The following DLG1 variants were observed in gnomAD, a reference collection of about 807,000 sequenced individuals.
DLG1 encodes the protein disks large homolog 1.
In DLG1, 42 loss-of-function variants were observed where a neutral mutation model predicts 123.4. The observed-to-expected ratio is 0.34, with a 90% CI of 0.27 to 0.44. DLG1 has a LOEUF of 0.44. Ranked by LOEUF, DLG1 falls within the 20% of genes least tolerant of loss-of-function variation. DLG1 has a pLI of 1.00. For synonymous variants in DLG1, 317 were observed against 356.2 expected, an observed-to-expected ratio of 0.89 and a Z score of 1.24; for missense variants, 942 against 1,082.6, an observed-to-expected ratio of 0.87 and a Z score of 1.82.
chr3:197,245,902 G>GA (rs1333191303), intron 4 of DLG1, among the ~76,000 whole-genome samples: 5 of 136,664 alleles, frequency 3.7e-5, no homozygotes, highest in Admixed American at 7.1e-5. Flanking sequence ...TTTTTTTTTG[G>GA]GGGGGGGGGA....
chr3:197,110,323 T>G (rs1186261945), intron 13 of DLG1, among the ~76,000 whole-genome samples: 1 of 152,228 alleles, frequency 6.6e-6, no homozygotes, highest in East Asian at 1.9e-4. Context: ...ACTTTCCAAC[T>G]CCAGAATTTC....
chr3:197,291,292 T>G (rs1774737800), intron 3 of DLG1, among the ~76,000 whole-genome samples: 1 of 119,126 alleles, frequency 8.4e-6, no homozygotes, highest in African/African-American at 3.3e-5. Context: ...AAATCTAGCC[T>G]ACAAAGTTAC....
chr3:197,147,432 GCACACACACACA>G lies in DLG1; in HGVS notation c.537+2299_537+2310del, dbSNP rs67643945. 5.2e-3 allele frequency among the ~76,000 whole-genome samples: 758 copies of G among 147,098 alleles called. 6 individuals carry two copies. The highest frequency in any genetic ancestry group is 0.016 in the African/African-American group (654 of 39,700). On this transcript the variant is annotated intron_variant, in intron 6 of 24. Coordinates refer to ENST00000667157, the MANE Select transcript of DLG1 (RefSeq NM_001366207.1). ...TGAGTGGATAAAAAATATATGGTGT[GCACACACACACA>G]CACACACACACACACACACACACAC...
At chr3:197,169,060 A>G (rs977896111) in intron 5 of DLG1, among the ~76,000 whole-genome samples, 2 of 152,194 alleles carry the variant, frequency 1.3e-5, no homozygotes, top group African/African-American at 4.8e-5. Context: ...TTATATTTTA[A>G]ATCTAATTTA....
chr3:197,216,652 G>C (rs911621549), intron 4 of DLG1, among the ~76,000 whole-genome samples: 1 of 152,182 alleles, frequency 6.6e-6, no homozygotes, highest in Non-Finnish European at 1.5e-5. Context: ...CAAAATTTCA[G>C]ACTCCCAGAA....
intron 4 of DLG1, among the ~76,000 whole-genome samples, chr3:197,271,073 T>G (rs747194818): frequency 1.3e-5 from 2 of 152,160 alleles, no homozygotes; most frequent in Non-Finnish European, 2.9e-5. Context: ...TGTACCAGAT[T>G]TGGTATGTGT....
chr3:197,272,879 C>CA (rs1235702578), intron 4 of DLG1, among the ~76,000 whole-genome samples: 1 of 152,098 alleles, frequency 6.6e-6, no homozygotes, highest in East Asian at 1.9e-4. Flanking sequence ...TTCTGGGGTA[C>CA]TGGTATTTTT....
chr3:197,140,137 T>C lies in DLG1; in HGVS notation c.713+3A>G, dbSNP rs1360560956. 6 of 1,612,414 alleles carry C rather than the reference T, an allele frequency of 3.7e-6. No individual in the cohort carries two copies. The highest frequency in any genetic ancestry group is 5.1e-6 in the Non-Finnish European group (6 of 1,179,176). On this transcript the variant is annotated splice_donor_region_variant and intron_variant, in intron 8 of 24. Transcript: ENST00000667157. The stretch of plus-strand genomic sequence containing the variant: ...GCATCACAATAAAAAGCGCAAAACA[T>C]ACCGCAATCTTCCATCTTGGGCGGC...
At chr3:197,064,968 G>C (rs150023472) in intron 22 of DLG1, among the ~76,000 whole-genome samples, 1 of 151,614 alleles carries the variant, frequency 6.6e-6, no homozygotes, top group South Asian at 2.1e-4. Context: ...TGCCACACCC[G>C]GCCCTTATCT....
intron 16 of DLG1, among the ~76,000 whole-genome samples, chr3:197,081,878 G>GT (rs1751341754): frequency 6.6e-6 from 1 of 152,142 alleles, no homozygotes. Context: ...TATGTAGATT[G>GT]TAACACTAAT....
At chr3:197,231,864 T>C (rs192400368) in intron 4 of DLG1, among the ~76,000 whole-genome samples, 32 of 152,298 alleles carry the variant, frequency 2.1e-4, no homozygotes, top group African/African-American at 6.7e-4. Flanking sequence ...TGATTTCAAT[T>C]AACCACAGAA....
chr3:197,163,854 A>C (rs1386617813), intron 5 of DLG1, among the ~76,000 whole-genome samples: 2 of 151,956 alleles, frequency 1.3e-5, no homozygotes, highest in African/African-American at 4.8e-5. Context: ...TAAAATTCTT[A>C]ATCATGCTAG....
chr3:197,174,745 C>T (rs1434278603), intron 5 of DLG1, among the ~76,000 whole-genome samples: 1 of 152,138 alleles, frequency 6.6e-6, no homozygotes, highest in African/African-American at 2.4e-5. Context: ...AGGGTGGGAT[C>T]TGTTTTAATT....
At chr3:197,274,515 C>CACGATACGAT (rs201835921) in intron 4 of DLG1, among the ~76,000 whole-genome samples, 266 of 151,990 alleles carry the variant, frequency 1.8e-3, no homozygotes, top group African/African-American at 6.0e-3. Context: ...CACGACACGA[C>CACGATACGAT]ACGATACGAT....
intron 11 of DLG1, among the ~76,000 whole-genome samples, chr3:197,125,264 C>T (rs114725930): frequency 4.6e-5 from 7 of 152,060 alleles, no homozygotes; most frequent in Non-Finnish European, 1.0e-4. Context: ...TGTAGTAGGA[C>T]TGCAGGCAAG....
intron 4 of DLG1, among the ~76,000 whole-genome samples, chr3:197,235,861 C>T (rs1745681711): frequency 6.6e-6 from 1 of 152,088 alleles, no homozygotes; most frequent in Non-Finnish European, 1.5e-5. Context: ...AACTCAAAAA[C>T]ACTCATAAAA....
intron 23 of DLG1, among the ~76,000 whole-genome samples, chr3:197,054,576 G>C (rs1730341235): frequency 1.3e-5 from 2 of 151,862 alleles, no homozygotes; most frequent in South Asian, 4.2e-4. Context: ...ATTTCCTTTT[G>C]GTTTATTTTT....
intron 12 of DLG1, among the ~76,000 whole-genome samples, chr3:197,117,544 T>C (rs1358161409): frequency 6.6e-6 from 1 of 152,196 alleles, no homozygotes; most frequent in African/African-American, 2.4e-5. Context: ...GAGTGTATCT[T>C]GACAACATAA....
At chr3:197,274,826 C>T (rs552991257) in intron 4 of DLG1, among the ~76,000 whole-genome samples, 1 of 152,080 alleles carries the variant, frequency 6.6e-6, no homozygotes, top group Non-Finnish European at 1.5e-5. Flanking sequence ...AGAAGACATA[C>T]AAATGGTTAA....
Sources: gnomAD v4.1 joint callset for allele counts (sites outside exome capture counted in the v4.1 genomes callset) on GRCh38, gnomAD v4.1.1 for gene constraint, MANE v1.5 for transcripts, NCBI Gene and HGNC (gene_info 2026-07-23, HGNC 2026-07-21) for gene names.